Variants in PELP1 observed in about 807,000 individuals in gnomAD.
The protein encoded by PELP1 is proline, glutamate and leucine rich protein 1.
PELP1 carries 32 observed loss-of-function variants against 95.5 expected under a neutral mutation model. The ratio of observed to expected loss-of-function variants is 0.34; its 90% CI spans 0.25 to 0.45. PELP1 has a LOEUF of 0.45. Among genes scored for constraint, PELP1 ranks in the 20% least tolerant of loss-of-function variants. PELP1 has a pLI of 1.00. For missense variants in PELP1, 1,358 were observed against 1,444.8 expected (o/e 0.94, Z 0.97); for synonymous variants, 668 against 600.1 (o/e 1.11, Z -1.65).
At chr17:4,680,233 C>T (rs1912638922) in intron 5 of PELP1, among the ~76,000 whole-genome samples, 1 of 152,150 alleles carries the variant, frequency 6.6e-6, no homozygotes, top group Non-Finnish European at 1.5e-5. Flanking sequence ...CCTTTCCCTC[C>T]AAGAACTTAC....
At chr17:4,674,983 A>C in intron 11 of PELP1, 27 bp from the exon 12 acceptor site, 1 of 1,605,628 alleles carries the variant, frequency 6.2e-7, no homozygotes, top group Non-Finnish European at 8.5e-7. Context: ...GATGGCAGTT[A>C]TGAATGGGGG....
In PELP1 at chr17:4,682,488, G is replaced by A. The variant is rs755872063; in HGVS notation, c.642+14C>T. 6 of 1,554,724 alleles carry A rather than the reference G, an allele frequency of 3.9e-6. No individual in the cohort carries two copies. The highest frequency in any genetic ancestry group is 4.4e-6 in the Non-Finnish European group (5 of 1,125,680). On this transcript the variant is annotated intron_variant, in intron 5 of 16. Coordinates refer to ENST00000572293, the MANE Select transcript of PELP1 (RefSeq NM_014389.3). ...CGCTTACACTGGTGGGGAGAAGAGT[G>A]CATAAATACTTACTTTGAGAGAACC...
At chr17:4,682,401 G>C in intron 5 of PELP1, 101 bp downstream of exon 5, 1 of 792,392 alleles carries the variant, frequency 1.3e-6, no homozygotes, top group Admixed American at 2.0e-5. Context: ...TAACTTTAAA[G>C]GATAATCAGA....
chr17:4,696,351 G>A (rs1913297385), intron 1 of PELP1, among the ~76,000 whole-genome samples: 1 of 152,116 alleles, frequency 6.6e-6, no homozygotes, highest in African/African-American at 2.4e-5. Flanking sequence ...AAAATAAAAA[G>A]AGCGAAGACT....
rs750346544 is a variant in PELP1, at chr17:4,672,850, G to C, written c.2141C>G (p.Pro714Arg). 6.2e-7 allele frequency: 1 copy of C among 1,613,924 alleles called. No homozygotes were observed. Among genetic ancestry groups the C allele is most frequent in the Middle Eastern group, 1.7e-4 (1 of 6,058 alleles). ...CCGGGGAGGGACAGACACTAGGCCTGGGACAGAAAGGCCTAGGTGGTTGGC... is the reference window on the plus strand; with the variant it reads ...CCGGGGAGGGACAGACACTAGGCCTCGGACAGAAAGGCCTAGGTGGTTGGC... ...TTANHLGLSV[P>R]GLVSVPPRLL... Residue 714 changes from proline (P) to arginine (R), a missense_variant, in exon 16 of 17, where the codon CCA becomes CGA. Pro to Arg is a moderately radical substitution (Grantham distance 103). Transcript: ENST00000572293.
chr17:4,699,803 T>C (rs555686894), intron 1 of PELP1, among the ~76,000 whole-genome samples: 1 of 151,994 alleles, frequency 6.6e-6, no homozygotes, highest in East Asian at 1.9e-4. Flanking sequence ...GTCAGGCTGG[T>C]CTCGAACTCC....
chr17:4,682,625 T>C lies in PELP1; in HGVS notation c.571-52A>G, dbSNP rs1912732237. Reference sequence around the variant, plus strand: ...AGAGGCTGCGAGCACCATGTCACCATATTCCATCTCCCCCAGCACCCCACA... The same window carrying C: ...AGAGGCTGCGAGCACCATGTCACCACATTCCATCTCCCCCAGCACCCCACA... On this transcript the variant is annotated intron_variant, in intron 4 of 16. Coordinates refer to ENST00000572293, the MANE Select transcript of PELP1 (RefSeq NM_014389.3). 5 of 1,509,810 alleles carry C rather than the reference T, an allele frequency of 3.3e-6. No homozygotes were observed. The Admixed American group carries it at 8.4e-5, about 25-fold the overall frequency. 93.5% of individuals were successfully genotyped at this position (1,509,810 alleles called of 1,614,324 possible).
intron 5 of PELP1, among the ~76,000 whole-genome samples, chr17:4,679,774 C>T (rs1912625885): frequency 1.3e-5 from 2 of 152,198 alleles, no homozygotes; most frequent in Admixed American, 1.3e-4. Context: ...ATGTCCTGCC[C>T]TGCCTACCCA....
chr17:4,700,890 C>A (rs1203365921), intron 1 of PELP1, among the ~76,000 whole-genome samples: 1 of 145,792 alleles, frequency 6.9e-6, no homozygotes, highest in Non-Finnish European at 1.5e-5. Context: ...ATAATCTGGC[C>A]ACTGCACTCC....
rs557637975 is a variant in PELP1 at position 4,687,227 on chromosome 17, ACATT to A, written c.420+3657_420+3660del. ...AGCACCTACCTCAGTTTATCACTTCACATTCATTTATATAATTATTCAATTAAAG... is the reference window on the plus strand; with the variant it reads ...AGCACCTACCTCAGTTTATCACTTCACATTTATATAATTATTCAATTAAAG... On this transcript the variant is annotated intron_variant, in intron 3 of 16. Coordinates refer to ENST00000572293, the MANE Select transcript of PELP1 (RefSeq NM_014389.3). Among the ~76,000 whole-genome samples, 12 of 152,250 alleles carry A rather than the reference ACATT, an allele frequency of 7.9e-5. No homozygotes were observed. In the East Asian group the frequency reaches 2.3e-3, roughly 29 times the overall value.
intron 1 of PELP1, among the ~76,000 whole-genome samples, chr17:4,692,761 G>A (rs554184864): frequency 6.6e-6 from 1 of 152,254 alleles, no homozygotes; most frequent in Non-Finnish European, 1.5e-5. Context: ...TGTAATCCCA[G>A]CACTTTGGGA....
intron 1 of PELP1, among the ~76,000 whole-genome samples, chr17:4,698,343 C>T (rs2150566472): frequency 1.3e-5 from 2 of 151,908 alleles, no homozygotes; most frequent in South Asian, 4.2e-4. Flanking sequence ...ACTAAAGAGA[C>T]ATTATAACTA....
rs965926350 is a variant in PELP1, at chr17:4,703,968, T to G, written c.144A>C (p.Arg48=). The G allele has an allele frequency of 1.9e-6, 3 of 1,613,472 alleles. No individual in the cohort carries two copies. Among genetic ancestry groups the G allele is most frequent in the Non-Finnish European group, 2.5e-6 (3 of 1,179,746 alleles). Residue 48 remains arginine (R), a synonymous_variant, in exon 1 of 17, where the codon CGA becomes CGC. Coordinates refer to ENST00000572293, the MANE Select transcript of PELP1 (RefSeq NM_014389.3). ...GCACCGGAGCAACGGCAGACCCCGT[T>G]CGAGGTTGCAGCAAACCAGAAACAC... ...LESVSGLLQP[R]TGSAVAPVHP... is the part of the protein sequence containing the mutation.
rs767650542 is a variant in PELP1, at chr17:4,673,366, G to A, written c.1729C>T (p.Arg577Cys). 1.4e-5 allele frequency: 23 copies of A among 1,595,772 alleles called. No individual in the cohort carries two copies. The highest frequency in any genetic ancestry group is 1.1e-4 in the Admixed American group (6 of 56,940). Residue 577 changes from arginine (R) to cysteine (C), a missense_variant, in exon 15 of 17, where the codon CGT becomes TGT. Physicochemically the swap from Arg to Cys is radical, Grantham distance 180. Around this residue, in one of 7 missense-constraint regions of PELP1, gnomAD observed 538 missense variants for 628.1 expected, o/e 0.86. Coordinates refer to ENST00000572293, the MANE Select transcript of PELP1 (RefSeq NM_014389.3). This position sits in a 1 kb window ranked among gnomAD's most constrained non-coding sequence, Gnocchi z 5.7. ...SSPYTSSRCR[R>C]ELYCLLLALL... ...GCCAGCAGCAGGCAGTAGAGTTCAC[G>A]GCGGCAGCGGGAGCTCGTGTACGGG...
At position 4,674,815 on chromosome 17, in the gene PELP1, G is replaced by A. The variant is rs1567661162; in HGVS notation, c.1416C>T (p.Ala472=). The A allele has an allele frequency of 1.9e-6, 3 of 1,611,624 alleles. No individual in the cohort carries two copies. Among genetic ancestry groups the A allele is most frequent in the African/African-American group, 1.3e-5 (1 of 75,014 alleles). The change falls in exon 12 of 17, where the codon GCC becomes GCT. Residue 472 remains alanine (A), a synonymous_variant. Transcript: ENST00000572293. ...GGAGCTGAGGCCTCCTCACCTTAAGGGCATCAGCTGGCGGGGAGATGTCGC... is the reference window on the plus strand; with the variant it reads ...GGAGCTGAGGCCTCCTCACCTTAAGAGCATCAGCTGGCGGGGAGATGTCGC... ...LLSDISPPAD[A]LKLRSPRGSP... is the part of the protein sequence containing the mutation.
At chr17:4,684,429 C>A (rs1009594969) in intron 3 of PELP1, among the ~76,000 whole-genome samples, 1 of 152,180 alleles carries the variant, frequency 6.6e-6, no homozygotes, top group African/African-American at 2.4e-5. Context: ...TACTTTTGCA[C>A]CAACCTAATA....
At chr17:4,683,810 G>A (rs1440211688) in intron 3 of PELP1, among the ~76,000 whole-genome samples, 7 of 146,176 alleles carry the variant, frequency 4.8e-5, no homozygotes, top group Non-Finnish European at 7.5e-5. Context: ...GATTACAGGC[G>A]TGAGCCACAG....
At chr17:4,692,238 C>G (rs994684437) in intron 1 of PELP1, among the ~76,000 whole-genome samples, 9 of 152,234 alleles carry the variant, frequency 5.9e-5, no homozygotes, top group Admixed American at 5.9e-4. Flanking sequence ...GAGGCCAAAG[C>G]AGGCGGATCA....
In PELP1 at chr17:4,671,453, C is replaced by T. The variant is rs756094467; in HGVS notation, c.3379G>A (p.Glu1127Lys). 1 of 1,539,678 alleles carries T rather than the reference C, an allele frequency of 6.5e-7. No individual in the cohort carries two copies. The highest frequency in any genetic ancestry group is 9.0e-7 in the Non-Finnish European group (1 of 1,112,142). Residue 1127 changes from glutamate (E) to lysine (K), a missense_variant, in exon 17 of 17, where the codon GAG (glutamate) becomes AAG (lysine). Around this residue, in one of 7 missense-constraint regions of PELP1, gnomAD observed 283 missense variants for 284.1 expected, o/e 1.00. Coordinates refer to ENST00000572293, the MANE Select transcript of PELP1 (RefSeq NM_014389.3). ...GCAGAAGATGGCTAGGAGTCAGGCTCTGTGGGAGGTGGTGGCTTCTCATCA... is the reference window on the plus strand; with the variant it reads ...GCAGAAGATGGCTAGGAGTCAGGCTTTGTGGGAGGTGGTGGCTTCTCATCA... Reference protein sequence around the residue: ...PDDEKPPPPTEPDS With the variant: ...PDDEKPPPPTKPDS
Sources: gnomAD v4.1 joint callset for allele counts (sites outside exome capture counted in the v4.1 genomes callset) on GRCh38, gnomAD v4.1.1 for gene constraint, gnomAD v4.1.1 regional missense constraint, Gnocchi (gnomAD v3.1) non-coding constraint, MANE v1.5 for transcripts, NCBI Gene and HGNC (gene_info 2026-07-23, HGNC 2026-07-21) for gene names.